CDH18: variants seen among roughly 807,000 people sequenced by gnomAD.
The protein encoded by CDH18 is cadherin-18.
CDH18 carries 31 observed loss-of-function variants against 67.9 expected under a neutral mutation model. The ratio of observed to expected loss-of-function variants is 0.46; its 90% confidence interval spans 0.34 to 0.62. The LOEUF (loss-of-function observed/expected upper bound fraction) is 0.62, where lower values mean the gene tolerates loss of function less well. CDH18 is among the 20% of genes least tolerant of loss of function. The probability of loss-of-function intolerance (pLI) is 0.01; values close to 1 mark genes in which losing one functional copy is unlikely to be tolerated. For missense variants in CDH18, 890 were observed against 975.5 expected (o/e 0.91, Z 1.17); for synonymous variants, 362 against 347.2 (o/e 1.04, Z -0.48).
chr5:20,009,905 T>G (rs544599237), intron 2 of CDH18, among the ~76,000 whole-genome samples: 116 of 152,288 alleles, frequency 7.6e-4, no homozygotes, highest in African/African-American at 2.7e-3. Context: ...TGTGCTATGC[T>G]TGCAGTATTT....
intron 1 of CDH18, among the ~76,000 whole-genome samples, chr5:20,279,120 T>C (rs562178630): frequency 3.3e-5 from 5 of 151,994 alleles, no homozygotes; most frequent in East Asian, 1.9e-4. Flanking sequence ...GCAGAATGGA[T>C]AAGAAATGAG....
chr5:19,483,500 C>T lies in CDH18; in HGVS notation c.1683G>A (p.Gln561=). 6.2e-7 allele frequency: 1 copy of T among 1,614,042 alleles called. No individual in the cohort carries two copies. The highest frequency in any genetic ancestry group is 8.5e-7 in the Non-Finnish European group (1 of 1,179,964). Residue 561 remains glutamine, a synonymous_variant, in exon 12 of 13, where the codon CAG becomes CAA. Coordinates refer to ENST00000382275, the MANE Select transcript of CDH18 (RefSeq NM_004934.5). ...TCATAATGGGCAGATAATACACATC[C>T]TGAACAGTTCGACTAAATCTCCTCC... The part of the protein sequence containing the change: ...TRRRRFSRTV[Q]DVYYLPIMIS...
chr5:19,836,758 A>C (rs767736175), intron 3 of CDH18, among the ~76,000 whole-genome samples: 2 of 152,080 alleles, frequency 1.3e-5, no homozygotes, highest in Non-Finnish European at 2.9e-5. Flanking sequence ...CTACATCCTG[A>C]ATATTATTGC....
chr5:19,946,400 A>G (rs192831062), intron 2 of CDH18, among the ~76,000 whole-genome samples: 5 of 152,296 alleles, frequency 3.3e-5, no homozygotes, highest in Admixed American at 3.3e-4. Flanking sequence ...AGGAAAGGAA[A>G]GAAAAACAAT....
At chr5:19,868,351 A>G (rs1175417725) in intron 2 of CDH18, among the ~76,000 whole-genome samples, 3 of 152,160 alleles carry the variant, frequency 2.0e-5, no homozygotes, top group African/African-American at 7.2e-5. Context: ...AACAAACTAG[A>G]GAAGCCATTA....
In CDH18 at chr5:20,321,851, T is replaced by C. The variant is rs1210126632; in HGVS notation, c.-579-66346A>G. ...AGCCCCAAAGATAATTTACTTATTATCAAGCAAGACCAATGTCCAACCCTG... is the reference window on the plus strand; with the variant it reads ...AGCCCCAAAGATAATTTACTTATTACCAAGCAAGACCAATGTCCAACCCTG... On this transcript the variant is annotated intron_variant, in intron 1 of 14. Transcript: ENST00000507958. Among the ~76,000 whole-genome samples the C allele has an allele frequency of 2.6e-5, 4 of 152,322 alleles. No individual in the cohort carries two copies. The East Asian group carries it at 5.8e-4, about 22-fold the overall frequency.
chr5:20,006,147 T>A (rs1736884522), intron 2 of CDH18, among the ~76,000 whole-genome samples: 1 of 151,934 alleles, frequency 6.6e-6, no homozygotes, highest in African/African-American at 2.4e-5. Flanking sequence ...TTGTTAAAAG[T>A]ACGGCATCAA....
chr5:20,259,065 C>T (rs1311689279), intron 1 of CDH18, among the ~76,000 whole-genome samples: 1 of 152,066 alleles, frequency 6.6e-6, no homozygotes, highest in African/African-American at 2.4e-5. Context: ...CTGCAACAAA[C>T]GCCTAAAAAT....
intron 2 of CDH18, among the ~76,000 whole-genome samples, chr5:20,062,357 T>C (rs1219528766): frequency 4.0e-5 from 6 of 151,894 alleles, no homozygotes; most frequent in African/African-American, 1.5e-4. Context: ...TTTCACCATG[T>C]TGGCCCGGAT....
chr5:20,247,016 C>T (rs1185948326), intron 2 of CDH18, among the ~76,000 whole-genome samples: 1 of 152,138 alleles, frequency 6.6e-6, no homozygotes, highest in South Asian at 2.1e-4. Context: ...CCCCTGATAT[C>T]CTTCTTTCTG....
intron 1 of CDH18, among the ~76,000 whole-genome samples, chr5:20,255,878 T>A (rs1744196195): frequency 6.7e-6 from 1 of 148,674 alleles, no homozygotes; most frequent in Non-Finnish European, 1.5e-5. Flanking sequence ...ATAAACTATT[T>A]TAGTGATTTT....
intron 3 of CDH18, among the ~76,000 whole-genome samples, chr5:19,811,158 GAA>G (rs1561351898): frequency 5.4e-5 from 1 of 18,480 alleles, no homozygotes; most frequent in East Asian, 8.3e-4. Context: ...AAGAAAGAAA[GAA>G]GGAGAGAAAG....
chr5:19,723,370 T>A (rs1250386702), intron 4 of CDH18, among the ~76,000 whole-genome samples: 3 of 152,172 alleles, frequency 2.0e-5, no homozygotes, highest in African/African-American at 7.2e-5. Context: ...GAAAATAGAA[T>A]ATGCCAAGCT....
rs377461738 is a variant in CDH18, at chr5:20,494,745, C to T, written c.-580+80717G>A. Among the ~76,000 whole-genome samples, 14 of 152,226 alleles carry T rather than the reference C, an allele frequency of 9.2e-5. No individual in the cohort carries two copies. In the East Asian group the frequency reaches 2.5e-3, roughly 27 times the overall value. On this transcript the variant is annotated intron_variant, in intron 1 of 14. Transcript: ENST00000507958. ...TTTCTTGATGGGCTTTCTATGGCCA[C>T]CTTCTTTAGAGCAATGCAGCCTCGA...
At chr5:19,487,936 G>A (rs1395649102) in intron 11 of CDH18, among the ~76,000 whole-genome samples, 3 of 152,152 alleles carry the variant, frequency 2.0e-5, no homozygotes, top group East Asian at 3.9e-4. Context: ...AAATGTTGTG[G>A]GGCTATTTCA....
intron 2 of CDH18, among the ~76,000 whole-genome samples, chr5:20,006,753 TG>T (rs1736933902): frequency 6.6e-6 from 1 of 152,010 alleles, no homozygotes; most frequent in Non-Finnish European, 1.5e-5. Context: ...AGCTTCTCTA[TG>T]CATGTTAAAT....
At chr5:20,484,996 G>T (rs555055629) in intron 1 of CDH18, among the ~76,000 whole-genome samples, 1 of 152,086 alleles carries the variant, frequency 6.6e-6, no homozygotes, top group Non-Finnish European at 1.5e-5. Flanking sequence ...GATAAAAAAA[G>T]TGAATACTAA....
rs1554078420 is a variant in CDH18 at position 19,994,855 on chromosome 5, T to TAGAGAGAGAGAGAGAGAG, written c.-517-2859_-517-2842dup. On this transcript the variant is annotated intron_variant, in intron 2 of 14. Coordinates refer to the CDH18 transcript ENST00000507958. ...ATATATATATATATATATATATATA[T>TAGAGAGAGAGAGAGAGAG]AGAGAGAGAGAGAGAGAGAGAGATG... 7.5e-4 allele frequency among the ~76,000 whole-genome samples: 51 copies of TAGAGAGAGAGAGAGAGAG among 67,582 alleles called. 11 individuals carry two copies. The highest frequency in any genetic ancestry group is 3.6e-3 in the African/African-American group (49 of 13,596). 44.3% of individuals were successfully genotyped at this position (67,582 alleles called of 152,430 possible). A position where few individuals can be genotyped will look rare whatever the true frequency, so the allele number is the denominator to read the frequency against.
chr5:19,608,922 A>T (rs558792162), intron 6 of CDH18, among the ~76,000 whole-genome samples: 4 of 151,974 alleles, frequency 2.6e-5, no homozygotes, highest in African/African-American at 9.6e-5. Context: ...AGCAATCCTC[A>T]ATACAACAAT....
Sources: gnomAD v4.1 joint callset for allele counts (sites outside exome capture counted in the v4.1 genomes callset) on GRCh38, gnomAD v4.1.1 for gene constraint, MANE v1.5 for transcripts, NCBI Gene and HGNC (gene_info 2026-07-23, HGNC 2026-07-21) for gene names.